SMARCA4: variants seen among roughly 807,000 people sequenced by gnomAD.
SMARCA4 encodes the protein SWI/SNF-related matrix-associated actin-dependent regulator of chromatin subfamily A member 4.
SMARCA4 carries 31 observed loss-of-function variants against 193.9 expected under a neutral mutation model. The observed-to-expected ratio is 0.16, with a 90% confidence interval of 0.12 to 0.22. SMARCA4 has a LOEUF of 0.22. SMARCA4 is among the 10% of genes least tolerant of loss of function. The pLI, the probability that SMARCA4 is intolerant of heterozygous loss-of-function variation, is 1.00. For missense variants in SMARCA4, 1,148 were observed against 2,296.0 expected, an observed-to-expected ratio of 0.50 and a Z score of 10.22; for synonymous variants, 942 against 933.1, an observed-to-expected ratio of 1.01 and a Z score of -0.17.
rs199637947 is a variant in SMARCA4, at chr19:11,034,093, C to T, written c.3874-30C>T. ...GCCGCCGCCCACCCCGGCCCCTCCT[C>T]AGCGGCACTGACAGTTTGCAATCTT... On this transcript the variant is annotated intron_variant, in intron 27 of 34. Transcript: ENST00000344626. The surrounding 1 kb of genome is among the most constrained non-coding windows in gnomAD (Gnocchi z 7.0). The T allele has an allele frequency of 5.3e-5, 84 of 1,588,556 alleles. No homozygotes were observed. The African/African-American group carries it at 9.8e-4, about 19-fold the overall frequency.
intron 14 of SMARCA4, 56 bp downstream of exon 14, chr19:11,008,079 T>C (rs1600169106): frequency 6.3e-7 from 1 of 1,581,022 alleles, no homozygotes; most frequent in Non-Finnish European, 8.6e-7. Context: ...GTGGCGCTGG[T>C]GGGAGTGGCT....
chr19:11,022,394 G>A (rs1463538203), intron 19 of SMARCA4, among the ~76,000 whole-genome samples: 1 of 152,180 alleles, frequency 6.6e-6, no homozygotes, highest in Non-Finnish European at 1.5e-5. Flanking sequence ...ACATGGTCAG[G>A]TTCTGTCTTA....
intron 1 of SMARCA4, among the ~76,000 whole-genome samples, chr19:10,974,346 T>C (rs2084925311): frequency 6.6e-6 from 1 of 152,108 alleles, no homozygotes; most frequent in South Asian, 2.1e-4. Flanking sequence ...TTGAAAATAA[T>C]GAGAACATGG....
intron 1 of SMARCA4, among the ~76,000 whole-genome samples, chr19:10,964,654 G>C (rs1158839156): frequency 6.6e-6 from 1 of 150,446 alleles, no homozygotes; most frequent in African/African-American, 2.5e-5. Flanking sequence ...GAGTCATTCT[G>C]TCGCCCAGGC....
At chr19:11,008,221 A>G (rs777376265) in intron 14 of SMARCA4, 198 bp downstream of exon 14, 3 of 558,390 alleles carry the variant, frequency 5.4e-6, no homozygotes, top group East Asian at 3.7e-5. Context: ...TTGCATTCGC[A>G]TGGTTCACCA....
At chr19:11,061,188 T>TAAAAA (rs140377414) in intron 34 of SMARCA4, among the ~76,000 whole-genome samples, 26 of 68,822 alleles carry the variant, frequency 3.8e-4, no homozygotes, top group African/African-American at 2.1e-3. Flanking sequence ...ACCCTGTCTT[T>TAAAAA]AAAAAAAAAA....
intron 12 of SMARCA4, 84 bp downstream of exon 12, chr19:11,003,243 A>G (rs1048418320): frequency 3.7e-6 from 6 of 1,607,346 alleles, no homozygotes; most frequent in Admixed American, 3.3e-5. Flanking sequence ...GCCAGGAGCA[A>G]TTTTACTTCT....
intron 30 of SMARCA4, among the ~76,000 whole-genome samples, chr19:11,056,766 A>G (rs1191898619): frequency 6.6e-6 from 1 of 152,216 alleles, no homozygotes; most frequent in Non-Finnish European, 1.5e-5. Context: ...CACAAACACC[A>G]AACAAGCAGG....
chr19:11,053,451 C>CAAAAA (rs34525605), intron 30 of SMARCA4, among the ~76,000 whole-genome samples: 2 of 64,786 alleles, frequency 3.1e-5, no homozygotes, highest in African/African-American at 1.2e-4. Flanking sequence ...GACTCCGTCT[C>CAAAAA]AAAAAAAAAA....
intron 23 of SMARCA4, 45 bp downstream of exon 23, chr19:11,026,391 A>G (rs1361461582): frequency 6.6e-6 from 10 of 1,517,368 alleles, no homozygotes; most frequent in Non-Finnish European, 3.7e-6. Flanking sequence ...TGGTCCACCC[A>G]GAGGTTTTCT....
At chr19:11,035,255 C>G (rs2075200016) in intron 29 of SMARCA4, 123 bp downstream of exon 29, 1 of 890,440 alleles carries the variant, frequency 1.1e-6, no homozygotes, top group Non-Finnish European at 1.8e-6. Flanking sequence ...CACTCCTGGC[C>G]AGGCTCCGCA....
chr19:10,998,176 A>G (rs1423197793), intron 11 of SMARCA4, among the ~76,000 whole-genome samples: 1 of 152,082 alleles, frequency 6.6e-6, no homozygotes, highest in Non-Finnish European at 1.5e-5. Flanking sequence ...GTGAGCCACC[A>G]CGCTTGGCTT....
chr19:10,964,702 C>T (rs760456068), intron 1 of SMARCA4, among the ~76,000 whole-genome samples: 2 of 152,002 alleles, frequency 1.3e-5, no homozygotes, highest in Non-Finnish European at 2.9e-5. Flanking sequence ...ACTGCAACCT[C>T]CGCCTCCTGG....
chr19:11,058,118 AAGC>A lies in SMARCA4; in HGVS notation c.4425-136_4425-134del. On this transcript the variant is annotated intron_variant, in intron 30 of 34. Coordinates refer to ENST00000344626, the MANE Select transcript of SMARCA4 (RefSeq NM_003072.5). The surrounding 1 kb of genome is among the most constrained non-coding windows in gnomAD (Gnocchi z 5.8). ...CGAAACTCCGTCTCAAAAAAAAAAA[AAGC>A]GCATGTGCAAGAAATAGCTCCTGAG... is the stretch of plus-strand genomic sequence containing the variant. 1 of 653,092 alleles carries A rather than the reference AAGC, an allele frequency of 1.5e-6. No homozygotes were observed. The allele number at this position is 653,092 out of a possible 1,614,324, so 40.5% of individuals were successfully genotyped here.
intron 8 of SMARCA4, 70 bp from the exon 9 acceptor site, chr19:10,994,758 C>T (rs2145933477): frequency 7.1e-7 from 1 of 1,411,316 alleles, no homozygotes; most frequent in South Asian, 1.2e-5. Context: ...AGGTTTTAAA[C>T]AAGCCTTGCG....
At chr19:11,036,812 C>G (rs1022501614) in intron 29 of SMARCA4, among the ~76,000 whole-genome samples, 2 of 152,190 alleles carry the variant, frequency 1.3e-5, no homozygotes, top group African/African-American at 4.8e-5. Flanking sequence ...TGGATTCTCC[C>G]CAGCCCCAGG....
chr19:10,982,528 C>G (rs1447676646), intron 1 of SMARCA4, among the ~76,000 whole-genome samples: 2 of 149,374 alleles, frequency 1.3e-5, no homozygotes, highest in Admixed American at 1.3e-4. Flanking sequence ...GAGACGGAGT[C>G]TTGCTCTGTC....
At chr19:11,027,710 C>T (rs919839144) in intron 23 of SMARCA4, 74 bp from the exon 24 acceptor site, 1 of 1,564,020 alleles carries the variant, frequency 6.4e-7, no homozygotes, top group Admixed American at 1.7e-5. Flanking sequence ...GGCGATGCAC[C>T]TCCTGCCTTA....
chr19:11,025,776 T>TC (rs1328729624), intron 22 of SMARCA4, among the ~76,000 whole-genome samples: 1 of 152,058 alleles, frequency 6.6e-6, no homozygotes, highest in Admixed American at 6.5e-5. Context: ...TGGGGATGTG[T>TC]CCCCCCACAG....
Sources: allele counts gnomAD v4.1 joint callset (sites outside exome capture counted in the v4.1 genomes callset), GRCh38; gene constraint gnomAD v4.1.1; non-coding constraint Gnocchi (gnomAD v3.1); transcripts MANE v1.5; gene names NCBI Gene and HGNC (gene_info 2026-07-23, HGNC 2026-07-21).